Variants in FBXL7 observed in about 807,000 individuals in gnomAD.
The protein encoded by FBXL7 is F-box/LRR-repeat protein 7.
In FBXL7, 12 loss-of-function variants were observed where a neutral mutation model predicts 38.3. The ratio of observed to expected loss-of-function variants is 0.31; its 90% CI spans 0.20 to 0.51. The LOEUF (loss-of-function observed/expected upper bound fraction) is 0.51, where lower values mean the gene tolerates loss of function less well. FBXL7 is among the 20% of genes least tolerant of loss of function. The probability of loss-of-function intolerance (pLI) is 0.98; values close to 1 mark genes in which losing one functional copy is unlikely to be tolerated. For synonymous variants in FBXL7, 297 were observed against 300.9 expected (o/e 0.99, Z 0.13); for missense variants, 567 against 676.4 (o/e 0.84, Z 1.79).
intron 2 of FBXL7, among the ~76,000 whole-genome samples, chr5:15,649,188 G>A (rs1390688295): frequency 6.6e-6 from 1 of 151,986 alleles, no homozygotes; most frequent in Middle Eastern, 3.2e-3. Context: ...GGAGAGGCGG[G>A]GTTTCACCAC....
chr5:15,657,072 TAAAAC>T (rs1741907947), intron 2 of FBXL7, among the ~76,000 whole-genome samples: 1 of 152,078 alleles, frequency 6.6e-6, no homozygotes, highest in East Asian at 1.9e-4. Context: ...TTGAAGGACA[TAAAAC>T]AAAACCCAAA....
At chr5:15,872,045 G>A (rs771504582) in intron 2 of FBXL7, among the ~76,000 whole-genome samples, 7 of 152,188 alleles carry the variant, frequency 4.6e-5, no homozygotes, top group East Asian at 1.9e-4. Flanking sequence ...GAGAAAGGTC[G>A]GGTTACCCAC....
intron 3 of FBXL7, among the ~76,000 whole-genome samples, chr5:15,933,799 TG>T (rs746669135): frequency 1.3e-5 from 2 of 152,130 alleles, no homozygotes; most frequent in East Asian, 3.9e-4. Flanking sequence ...GTGAGGCTGC[TG>T]GGAAGCCTTG....
At chr5:15,925,125 G>T (rs12517268) in intron 2 of FBXL7, among the ~76,000 whole-genome samples, 27,768 of 152,110 alleles carry the variant, frequency 0.18, 4,073 homozygotes, top group African/African-American at 0.39. Context: ...CACAGGGAGG[G>T]ATGCAAAATT....
At position 15,615,986 on chromosome 5, in the gene FBXL7, A is replaced by G; in HGVS notation, c.41A>G (p.Lys14Arg). 1.9e-6 allele frequency: 3 copies of G among 1,611,246 alleles called. No homozygotes were observed. The highest frequency in any genetic ancestry group is 2.5e-6 in the Non-Finnish European group (3 of 1,178,180). Residue 14 changes from lysine (K) to arginine (R), a missense_variant, in exon 2 of 4, where the codon AAA (lysine) becomes AGA (arginine). Transcript: ENST00000504595. Reference sequence around the variant, plus strand: ...TGCTCATTCCTGTTTCTTCCAGGCAAAGGCAGCTCGAGCATCTCATCTGAC... The same window carrying G: ...TGCTCATTCCTGTTTCTTCCAGGCAGAGGCAGCTCGAGCATCTCATCTGAC... ...NNGKQYGSEG[K>R]GSSSISSDVS...
At chr5:15,567,177 TATTTC>T (rs1471731491) in intron 1 of FBXL7, among the ~76,000 whole-genome samples, 5 of 152,160 alleles carry the variant, frequency 3.3e-5, no homozygotes, top group Admixed American at 1.3e-4. Flanking sequence ...TTTTTAGACA[TATTTC>T]ATTCATATTT....
intron 2 of FBXL7, among the ~76,000 whole-genome samples, chr5:15,634,513 G>C (rs575237064): frequency 2.7e-4 from 40 of 149,584 alleles, no homozygotes; most frequent in Admixed American, 1.3e-3. Context: ...GTTGGGGGGG[G>C]GGTTTACCCT....
rs73058233 is a variant in FBXL7, at chr5:15,829,849, G to A, written c.128-98041G>A. Among the ~76,000 whole-genome samples, 768 of 152,236 alleles carry A rather than the reference G, an allele frequency of 5.0e-3. 8 individuals are homozygous for A. Among genetic ancestry groups the A allele is most frequent in the African/African-American group, 0.017 (726 of 41,544 alleles). The stretch of plus-strand genomic sequence containing the variant: ...TTAAAATAATAAGGTGTGACACTTG[G>A]ATATTTCCTTTGTAAAGATCCTGAG... On this transcript the variant is annotated intron_variant, in intron 2 of 3. Transcript: ENST00000504595.
Position 15,551,986 on chromosome 5 carries a change from T to C in FBXL7, c.37+51273T>C, listed in dbSNP as rs1216777584. Among the ~76,000 whole-genome samples the C allele has an allele frequency of 2.0e-5, 3 of 152,210 alleles. No homozygotes were observed. The East Asian group carries it at 5.8e-4, about 29-fold the overall frequency. On this transcript the variant is annotated intron_variant, in intron 1 of 3. Transcript: ENST00000504595. ...GGAGGAATTTATAAACATGAAACAA[T>C]GCATCCCGTTTTCCAAAGGGAAGAA... is the stretch of plus-strand genomic sequence containing the variant.
intron 2 of FBXL7, among the ~76,000 whole-genome samples, chr5:15,624,333 A>G (rs1027088903): frequency 6.6e-6 from 1 of 152,192 alleles, no homozygotes; most frequent in Non-Finnish European, 1.5e-5. Context: ...CTCAGGGGTG[A>G]GTTCTCTTGA....
intron 2 of FBXL7, among the ~76,000 whole-genome samples, chr5:15,689,924 A>G (rs894556093): frequency 6.6e-6 from 1 of 152,194 alleles, no homozygotes; most frequent in Non-Finnish European, 1.5e-5. Context: ...GTGCATTGTA[A>G]GATGTTTTGC....
At chr5:15,919,308 TAAAAG>T (rs1226515379) in intron 2 of FBXL7, among the ~76,000 whole-genome samples, 3 of 152,180 alleles carry the variant, frequency 2.0e-5, no homozygotes, top group Admixed American at 6.5e-5. Flanking sequence ...GCTATCTAGT[TAAAAG>T]AAAATGTGTC....
chr5:15,655,814 G>T (rs536416418), intron 2 of FBXL7, among the ~76,000 whole-genome samples: 1 of 152,258 alleles, frequency 6.6e-6, no homozygotes, highest in South Asian at 2.1e-4. Context: ...TATCAAGAAG[G>T]TAAGTGACTC....
At chr5:15,696,740 A>G (rs1743349489) in intron 2 of FBXL7, among the ~76,000 whole-genome samples, 1 of 152,212 alleles carries the variant, frequency 6.6e-6, no homozygotes, top group Admixed American at 6.6e-5. Context: ...TCATCAGGAC[A>G]AGATCTTGAT....
Position 15,664,874 on chromosome 5 carries a change from GTT to G in FBXL7, c.127+48814_127+48815del, listed in dbSNP as rs55666327. 5.4e-3 allele frequency among the ~76,000 whole-genome samples: 780 copies of G among 144,956 alleles called. 7 individuals carry two copies. Among genetic ancestry groups the G allele is most frequent in the African/African-American group, 0.017 (659 of 39,720 alleles). On this transcript the variant is annotated intron_variant, in intron 2 of 3. Transcript: ENST00000504595. ...TGGCCTTTGGTAGTAAATTTTTTCA[GTT>G]TTTTTTTTTTTGGTCTAATAAAATC...
chr5:15,827,021 C>T (rs1738332314), intron 2 of FBXL7, among the ~76,000 whole-genome samples: 1 of 151,652 alleles, frequency 6.6e-6, no homozygotes, highest in East Asian at 2.0e-4. Context: ...GTTTTCTTCA[C>T]CTACAATCAC....
intron 1 of FBXL7, among the ~76,000 whole-genome samples, chr5:15,534,283 T>C (rs1652945747): frequency 6.6e-6 from 1 of 152,222 alleles, no homozygotes. Context: ...TAGAGTATCC[T>C]GCAGAATAGT....
intron 2 of FBXL7, among the ~76,000 whole-genome samples, chr5:15,852,793 C>G (rs569841254): frequency 6.6e-6 from 1 of 152,160 alleles, no homozygotes; most frequent in Non-Finnish European, 1.5e-5. Context: ...ATTTTCTCAC[C>G]TTGAGTTTAT....
intron 2 of FBXL7, among the ~76,000 whole-genome samples, chr5:15,699,185 G>T (rs964279832): frequency 1.1e-4 from 17 of 152,026 alleles, no homozygotes; most frequent in Non-Finnish European, 2.2e-4. Context: ...TATAATTGGG[G>T]GGTATGTTCA....
Sources: gnomAD v4.1 joint callset for allele counts (sites outside exome capture counted in the v4.1 genomes callset) on GRCh38, gnomAD v4.1.1 for gene constraint, MANE v1.5 for transcripts, NCBI Gene and HGNC (gene_info 2026-07-23, HGNC 2026-07-21) for gene names.